AUTS2: variants seen among roughly 807,000 people sequenced by gnomAD.
AUTS2 encodes autism susceptibility gene 2 protein.
In AUTS2, 17 loss-of-function variants were observed where a neutral mutation model predicts 112.4. The observed-to-expected ratio is 0.15, with a 90% CI of 0.10 to 0.23. The LOEUF is 0.23. AUTS2 is among the 10% of genes least tolerant of loss of function. The pLI, the probability that AUTS2 is intolerant of heterozygous loss-of-function variation, is 1.00. For missense variants in AUTS2, 1,510 were observed against 1,701.6 expected, an observed-to-expected ratio of 0.89 and a Z score of 1.98; for synonymous variants, 751 against 702.7, an observed-to-expected ratio of 1.07 and a Z score of -1.09.
intron 4 of AUTS2, among the ~76,000 whole-genome samples, chr7:70,162,895 G>A (rs566485496): frequency 7.2e-4 from 109 of 152,196 alleles, no homozygotes; most frequent in African/African-American, 2.5e-3. Flanking sequence ...TTGATAGAAC[G>A]ATAAATAAAT....
chr7:70,647,396 G>A (rs1806231425), intron 5 of AUTS2, among the ~76,000 whole-genome samples: 1 of 152,218 alleles, frequency 6.6e-6, no homozygotes, highest in Admixed American at 6.5e-5. Context: ...AAGATGACCG[G>A]TAAAGGCCAT....
At chr7:70,702,394 A>C (rs1199923026) in intron 6 of AUTS2, among the ~76,000 whole-genome samples, 1 of 152,228 alleles carries the variant, frequency 6.6e-6, no homozygotes, top group Non-Finnish European at 1.5e-5. Flanking sequence ...GACAAGTCAC[A>C]GATAGACGAT....
intron 5 of AUTS2, among the ~76,000 whole-genome samples, chr7:70,561,150 A>T (rs1431867474): frequency 6.6e-6 from 1 of 152,152 alleles, no homozygotes; most frequent in Admixed American, 6.5e-5. Flanking sequence ...TTTCCTTTCT[A>T]AATCTTAGCA....
intron 1 of AUTS2, among the ~76,000 whole-genome samples, chr7:69,695,909 G>T (rs139801537): frequency 6.6e-6 from 1 of 152,118 alleles, no homozygotes; most frequent in Non-Finnish European, 1.5e-5. Flanking sequence ...ACACAAGAAG[G>T]GGCCTTCTTG....
chr7:70,404,244 C>T (rs1170365017), intron 4 of AUTS2, among the ~76,000 whole-genome samples: 1 of 152,076 alleles, frequency 6.6e-6, no homozygotes, highest in Non-Finnish European at 1.5e-5. Flanking sequence ...ACTTTGTCTT[C>T]TTTCATGTTT....
rs1186381791 is a variant in AUTS2 at position 69,646,791 on chromosome 7, AACATAGTG to A, written c.309+46832_309+46839del. On this transcript the variant is annotated intron_variant, in intron 1 of 18. Coordinates refer to ENST00000342771, the MANE Select transcript of AUTS2 (RefSeq NM_015570.4). ...AACTCTCTTCCCTGTTTGCTTTAAAAACATAGTGACCTTGACCGGGTGCGGTGGCTCAC... is the reference window on the plus strand; with the variant it reads ...AACTCTCTTCCCTGTTTGCTTTAAAAACCTTGACCGGGTGCGGTGGCTCAC... Among the ~76,000 whole-genome samples, 28 of 152,178 alleles carry A rather than the reference AACATAGTG, an allele frequency of 1.8e-4. 1 individual carries two copies. The highest frequency in any genetic ancestry group is 6.0e-4 in the African/African-American group (25 of 41,440).
chr7:69,626,006 A>AG (rs1180508709), intron 1 of AUTS2, among the ~76,000 whole-genome samples: 1 of 152,222 alleles, frequency 6.6e-6, no homozygotes, highest in African/African-American at 2.4e-5. Flanking sequence ...GTGTGATGGA[A>AG]GGGAGGTGTT....
intron 5 of AUTS2, among the ~76,000 whole-genome samples, chr7:70,485,050 C>T (rs1393487695): frequency 6.6e-6 from 1 of 152,158 alleles, no homozygotes; most frequent in African/African-American, 2.4e-5. Flanking sequence ...TAAACTGGTA[C>T]AACCACTATG....
intron 5 of AUTS2, among the ~76,000 whole-genome samples, chr7:70,522,148 A>G (rs1483737880): frequency 1.3e-5 from 2 of 152,208 alleles, no homozygotes; most frequent in African/African-American, 4.8e-5. Flanking sequence ...ACCAACAGAG[A>G]AATCAGTGCA....
chr7:70,179,091 A>C (rs1461134205), intron 4 of AUTS2, among the ~76,000 whole-genome samples: 1 of 152,162 alleles, frequency 6.6e-6, no homozygotes, highest in African/African-American at 2.4e-5. Context: ...ATGCAAGTGC[A>C]TCACACCAGC....
At chr7:69,783,320 C>T (rs193211609) in intron 1 of AUTS2, among the ~76,000 whole-genome samples, 80 of 152,014 alleles carry the variant, frequency 5.3e-4, no homozygotes, top group African/African-American at 1.7e-3. Flanking sequence ...AACAGGCCCA[C>T]GATGATTTTA....
At chr7:69,603,887 C>A (rs1792566732) in intron 1 of AUTS2, among the ~76,000 whole-genome samples, 1 of 152,148 alleles carries the variant, frequency 6.6e-6, no homozygotes, top group Non-Finnish European at 1.5e-5. Context: ...TGGCTTTCTG[C>A]TATTTGGGTT....
intron 3 of AUTS2, among the ~76,000 whole-genome samples, chr7:70,127,930 TTCTCTCCC>T (rs1180114107): frequency 1.3e-5 from 2 of 152,076 alleles, no homozygotes; most frequent in Non-Finnish European, 2.9e-5. Context: ...CCTCCCTTCC[TTCTCTCCC>T]TCCCTCCCTC....
chr7:70,661,430 G>T (rs1807063025), intron 5 of AUTS2, among the ~76,000 whole-genome samples: 2 of 152,186 alleles, frequency 1.3e-5, no homozygotes, highest in Admixed American at 1.3e-4. Context: ...GCTCCCTGTG[G>T]CAGGTGACCA....
At chr7:70,298,589 A>G (rs1181771608) in intron 4 of AUTS2, among the ~76,000 whole-genome samples, 3 of 152,202 alleles carry the variant, frequency 2.0e-5, no homozygotes, top group African/African-American at 4.8e-5. Flanking sequence ...ATATTAATGT[A>G]AGTATTAGCT....
chr7:69,602,032 A>C (rs1792443912), intron 1 of AUTS2, among the ~76,000 whole-genome samples: 3 of 13,000 alleles, frequency 2.3e-4, no homozygotes, highest in Admixed American at 7.0e-4. Context: ...ATATATATAT[A>C]TATATATATG....
At chr7:70,306,951 CT>C (rs957371616) in intron 4 of AUTS2, among the ~76,000 whole-genome samples, 1 of 151,860 alleles carries the variant, frequency 6.6e-6, no homozygotes, top group Non-Finnish European at 1.5e-5. Flanking sequence ...TTATTGCTTT[CT>C]TTTTTTTCCC....
At chr7:70,144,162 T>G (rs1807003518) in intron 4 of AUTS2, among the ~76,000 whole-genome samples, 1 of 152,056 alleles carries the variant, frequency 6.6e-6, no homozygotes, top group Non-Finnish European at 1.5e-5. Context: ...CTCTTACCAT[T>G]TGTGAGCAGA....
intron 2 of AUTS2, among the ~76,000 whole-genome samples, chr7:69,911,204 T>G (rs1470700014): frequency 2.6e-5 from 4 of 152,198 alleles, no homozygotes. Context: ...GCTGGCTCCA[T>G]GCAAGGCTGT....
Sources: allele counts gnomAD v4.1 joint callset (sites outside exome capture counted in the v4.1 genomes callset), GRCh38; gene constraint gnomAD v4.1.1; transcripts MANE v1.5; gene names NCBI Gene and HGNC (gene_info 2026-07-23, HGNC 2026-07-21).